The following RHAG variants were observed in gnomAD, a reference collection of about 807,000 sequenced individuals.
The protein encoded by RHAG is ammonium transporter Rh type A.
In RHAG, 25 loss-of-function variants were observed where a neutral mutation model predicts 42.4. That is an observed-to-expected ratio of 0.59 (90% CI 0.43 to 0.82). The LOEUF (loss-of-function observed/expected upper bound fraction) is 0.82. RHAG is among the 40% of genes least tolerant of loss of function. RHAG has a pLI of 0.00. For missense variants in RHAG, 483 were observed against 504.6 expected, an observed-to-expected ratio of 0.96 and a Z score of 0.41; for synonymous variants, 182 against 177.7, an observed-to-expected ratio of 1.02 and a Z score of -0.19.
intron 1 of RHAG, among the ~76,000 whole-genome samples, chr6:49,623,032 T>A (rs1581946569): frequency 1.1e-5 from 1 of 91,416 alleles, no homozygotes; most frequent in Non-Finnish European, 2.2e-5. Context: ...AGAGACGGGG[T>A]TTTCACCGTG....
At chr6:49,622,885 G>A (rs1289236425) in intron 1 of RHAG, among the ~76,000 whole-genome samples, 1 of 149,334 alleles carries the variant, frequency 6.7e-6, no homozygotes, top group Non-Finnish European at 1.5e-5. Context: ...GCCCAGGCCG[G>A]ACTGCAGTGG....
chr6:49,615,261 GTTTCC>G, intron 4 of RHAG: 1 of 274,082 alleles, frequency 3.6e-6, no homozygotes, highest in Admixed American at 5.0e-5. Flanking sequence ...GGAGGATGTA[GTTTCC>G]TTTGGCCACT....
At chr6:49,612,556 A>G (rs1185435274) in intron 5 of RHAG, 22 bp from the exon 6 acceptor site, 2 of 1,613,864 alleles carry the variant, frequency 1.2e-6, no homozygotes, top group South Asian at 1.1e-5. Flanking sequence ...GCAGAAACAT[A>G]AATGAGGTGA....
At chr6:49,615,575 TG>T in intron 4 of RHAG, 48 bp downstream of exon 4, 1 of 1,605,696 alleles carries the variant, frequency 6.2e-7, no homozygotes, top group Non-Finnish European at 8.5e-7. Flanking sequence ...TAACCTTCTC[TG>T]GTGCCTTTTC....
At position 49,636,778 on chromosome 6, in the gene RHAG, A is replaced by C; in HGVS notation, c.35T>G (p.Leu12Arg). Residue 12 changes from leucine to arginine, a missense_variant, in exon 1 of 10, where the codon CTG (leucine) becomes CGG (arginine). Leu to Arg is a moderately radical substitution (Grantham distance 102). Transcript: ENST00000371175. Reference sequence around the variant, plus strand: ...AAATAAAACAATCATGGCAATTTCCAGGACTATAGCCATGAGAGGGAATGT... The same window carrying C: ...AAATAAAACAATCATGGCAATTTCCCGGACTATAGCCATGAGAGGGAATGT... The part of the protein sequence containing the change: ...RFTFPLMAIV[L>R]EIAMIVLFGL... 6.2e-7 allele frequency: 1 copy of C among 1,613,986 alleles called. No homozygotes were observed.
At chr6:49,608,662 C>A (rs190076236) in intron 7 of RHAG, among the ~76,000 whole-genome samples, 49 of 152,304 alleles carry the variant, frequency 3.2e-4, no homozygotes, top group Non-Finnish European at 6.5e-4. Flanking sequence ...CAGGCTTGAG[C>A]CACCGTGTCC....
In RHAG at chr6:49,624,371, A is replaced by G. The variant is rs567259979; in HGVS notation, c.158-5009T>C. ...CAGGCGTGTGCCACCACACCTGGTT[A>G]ATTTTGTATTTTCAGTACAGACAGG... On this transcript the variant is annotated intron_variant, in intron 1 of 9. Transcript: ENST00000371175. 3.3e-5 allele frequency among the ~76,000 whole-genome samples: 5 copies of G among 152,016 alleles called. No individual in the cohort carries two copies. The South Asian group carries it at 1.0e-3, about 32-fold the overall frequency.
In RHAG at chr6:49,623,503, G is replaced by T. The variant is rs527370662; in HGVS notation, c.158-4141C>A. Among the ~76,000 whole-genome samples the T allele has an allele frequency of 1.1e-3, 163 of 152,296 alleles. 1 individual carries two copies. The highest frequency in any genetic ancestry group is 1.8e-3 in the Non-Finnish European group (125 of 68,032). ...TAGAAGAAAAGGAATTTCTTTAGGG[G>T]TTCGCACTTTGGAGAAATCTTCCAA... On this transcript the variant is annotated intron_variant, in intron 1 of 9. Coordinates refer to ENST00000371175, the MANE Select transcript of RHAG (RefSeq NM_000324.3).
At chr6:49,630,061 C>G (rs989913474) in intron 1 of RHAG, among the ~76,000 whole-genome samples, 4 of 152,198 alleles carry the variant, frequency 2.6e-5, no homozygotes, top group African/African-American at 9.6e-5. Context: ...GCAGAGGAGG[C>G]GCCGAGAGCG....
At chr6:49,622,849 G>C (rs370892632) in intron 1 of RHAG, among the ~76,000 whole-genome samples, 3 of 82,370 alleles carry the variant, frequency 3.6e-5, no homozygotes, top group African/African-American at 1.3e-4. Flanking sequence ...TTTTTGTTTT[G>C]TTTTGAGACG....
At chr6:49,607,357 AC>A (rs1762493318) in intron 7 of RHAG, 137 bp from the exon 8 acceptor site, 18 of 731,328 alleles carry the variant, frequency 2.5e-5, no homozygotes, top group Non-Finnish European at 4.4e-5. Context: ...AGCATTTGTT[AC>A]AATTTTTCTT....
At chr6:49,623,556 C>T (rs1762797307) in intron 1 of RHAG, among the ~76,000 whole-genome samples, 3 of 152,162 alleles carry the variant, frequency 2.0e-5, no homozygotes, top group Admixed American at 2.0e-4. Context: ...CAAGTCTTGT[C>T]TAAATCAGTG....
intron 7 of RHAG, among the ~76,000 whole-genome samples, chr6:49,608,982 A>T (rs1383035474): frequency 6.6e-6 from 1 of 152,186 alleles, no homozygotes; most frequent in Non-Finnish European, 1.5e-5. Flanking sequence ...GTGATCAAAT[A>T]AACTTGGAAA....
intron 2 of RHAG, among the ~76,000 whole-genome samples, chr6:49,618,444 T>C (rs921354823): frequency 2.0e-5 from 3 of 152,224 alleles, no homozygotes; most frequent in Non-Finnish European, 2.9e-5. Context: ...TATTCTTTGA[T>C]CTAATAAGTG....
chr6:49,619,601 A>G (rs561154028), intron 1 of RHAG, among the ~76,000 whole-genome samples: 2 of 152,318 alleles, frequency 1.3e-5, no homozygotes, highest in South Asian at 2.1e-4. Flanking sequence ...CACTATTACA[A>G]CAGTGTGTCT....
chr6:49,632,106 G>A (rs1354218567), intron 1 of RHAG: 1 of 152,162 alleles, frequency 6.6e-6, no homozygotes, highest in Non-Finnish European at 1.5e-5. Flanking sequence ...GACAATTCTA[G>A]GATCGTATTT....
At position 49,612,383 on chromosome 6, in the gene RHAG, T is replaced by G; in HGVS notation, c.945+14A>C. 6.2e-7 allele frequency: 1 copy of G among 1,613,958 alleles called. No homozygotes were observed. The highest frequency in any genetic ancestry group is 8.5e-7 in the Non-Finnish European group (1 of 1,179,840). ...CAGATTCAGAGTTTGACTCAGAACA[T>G]CTGCTGTACTTACAGTCAGGAACTT... On this transcript the variant is annotated intron_variant, in intron 6 of 9. Transcript: ENST00000371175.
At chr6:49,631,036 T>C (rs1762927409) in intron 1 of RHAG, among the ~76,000 whole-genome samples, 1 of 152,224 alleles carries the variant, frequency 6.6e-6, no homozygotes, top group Non-Finnish European at 1.5e-5. Context: ...TTCACCATGA[T>C]TAGAATCAGA....
At chr6:49,613,379 T>C (rs1762598910) in intron 5 of RHAG, among the ~76,000 whole-genome samples, 1 of 152,198 alleles carries the variant, frequency 6.6e-6, no homozygotes, top group South Asian at 2.1e-4. Context: ...CAGGAATCAA[T>C]TTTTGTTTAG....
Sources: allele counts gnomAD v4.1 joint callset (sites outside exome capture counted in the v4.1 genomes callset), GRCh38; gene constraint gnomAD v4.1.1; transcripts MANE v1.5; gene names NCBI Gene and HGNC (gene_info 2026-07-23, HGNC 2026-07-21).